Variants in SPINK6 observed in about 807,000 individuals in gnomAD.
SPINK6 encodes the protein serine protease inhibitor Kazal-type 6.
A neutral mutation model predicts 11.7 loss-of-function variants in SPINK6; 13 were observed. The ratio of observed to expected loss-of-function variants is 1.11; its 90% confidence interval spans 0.72 to 1.76. The LOEUF (loss-of-function observed/expected upper bound fraction) is 1.76. Ranked by LOEUF, SPINK6 falls within the 40% of genes most tolerant of loss-of-function variation. SPINK6 has a pLI of 0.00. For synonymous variants in SPINK6, 21 were observed against 31.9 expected (o/e 0.66, Z 1.15); for missense variants, 98 against 93.7 (o/e 1.05, Z -0.19).
At chr5:148,214,631 A>G (rs886587938) in intron 3 of SPINK6, among the ~76,000 whole-genome samples, 3 of 152,172 alleles carry the variant, frequency 2.0e-5, no homozygotes, top group African/African-American at 7.2e-5. Flanking sequence ...ACCTTTTTCA[A>G]TGGTATACAT....
chr5:148,202,953 T>C (rs1024084739), upstream of SPINK6: 2 of 510,310 alleles, frequency 3.9e-6, no homozygotes, highest in Non-Finnish European at 7.0e-6. Context: ...AGCATTTTTT[T>C]AATGTGTTGG....
chr5:148,209,963 C>T lies in SPINK6; in HGVS notation c.81+3905C>T, dbSNP rs536362467. ...GTAAAAGGTTTCATATATATGTATA[C>T]ATACATACGTACGTATGTATGTATA... On this transcript the variant is annotated intron_variant, in intron 2 of 3. Transcript: ENST00000325630. Among the ~76,000 whole-genome samples the T allele has an allele frequency of 8.9e-3, 1,335 of 149,266 alleles. 21 individuals are homozygous for T. The highest frequency in any genetic ancestry group is 0.032 in the African/African-American group (1,278 of 39,480).
chr5:148,205,955 T>C lies in SPINK6; in HGVS notation c.59-81T>C, dbSNP rs1365667741. On this transcript the variant is annotated intron_variant, in intron 1 of 3. Coordinates refer to ENST00000325630, the MANE Select transcript of SPINK6 (RefSeq NM_205841.4). Reference sequence around the variant, plus strand: ...GATAGCCAAGTACCAGGAGTAGATATTAGGAATTTCCTAATGTTGAAAATT... The same window carrying C: ...GATAGCCAAGTACCAGGAGTAGATACTAGGAATTTCCTAATGTTGAAAATT... The C allele has an allele frequency of 3.4e-6, 5 of 1,457,492 alleles. No individual in the cohort carries two copies. The East Asian group carries it at 6.8e-5, about 20-fold the overall frequency. The allele number at this position is 1,457,492 out of a possible 1,614,324, so 90.3% of individuals were successfully genotyped here. A position where few individuals can be genotyped will look rare whatever the true frequency, so the allele number is the denominator to read the frequency against.
intron 2 of SPINK6, among the ~76,000 whole-genome samples, chr5:148,210,168 GTATTT>G (rs1755567835): frequency 4.0e-5 from 1 of 24,794 alleles, no homozygotes; most frequent in Admixed American, 9.4e-4. Context: ...GCATGCATAT[GTATTT>G]CTGCATGCAT....
intron 1 of SPINK6, among the ~76,000 whole-genome samples, chr5:148,205,255 G>GGGATTGC (rs1414554091): frequency 6.6e-6 from 1 of 152,116 alleles, no homozygotes; most frequent in Non-Finnish European, 1.5e-5. Context: ...ATGTGTCAGA[G>GGGATTGC]GGATTGGGAA....
chr5:148,210,784 T>A (rs1009665917), intron 2 of SPINK6, among the ~76,000 whole-genome samples: 17 of 152,040 alleles, frequency 1.1e-4, no homozygotes, highest in Non-Finnish European at 2.1e-4. Flanking sequence ...GAGGAAATCA[T>A]AAAAGTTTTA....
rs368760473 is a variant in SPINK6 at position 148,211,480 on chromosome 5, T to A, written c.82-2430T>A. ...TCTACACTCCTAACCCAGAACTATT[T>A]CAAATATTCTATATTAGTTCTCTAC... On this transcript the variant is annotated intron_variant, in intron 2 of 3. Coordinates refer to ENST00000325630, the MANE Select transcript of SPINK6 (RefSeq NM_205841.4). Among the ~76,000 whole-genome samples the A allele has an allele frequency of 8.5e-5, 13 of 152,290 alleles. No individual in the cohort carries two copies. The East Asian group carries it at 1.4e-3, about 16-fold the overall frequency.
intron 1 of SPINK6, among the ~76,000 whole-genome samples, chr5:148,203,580 T>A (rs1034130514): frequency 2.0e-5 from 3 of 152,210 alleles, no homozygotes; most frequent in Non-Finnish European, 4.4e-5. Flanking sequence ...GATAATTGCA[T>A]TAAATATTGG....
chr5:148,203,738 C>T (rs780702555), intron 1 of SPINK6, among the ~76,000 whole-genome samples: 4 of 152,080 alleles, frequency 2.6e-5, no homozygotes, highest in Admixed American at 1.3e-4. Context: ...AATGCAGAAA[C>T]ATATGTTTCT....
intron 2 of SPINK6, among the ~76,000 whole-genome samples, chr5:148,210,013 T>TGTATGTATACATACCCAC (rs1755559338): frequency 7.0e-6 from 1 of 143,702 alleles, no homozygotes; most frequent in Non-Finnish European, 1.5e-5. Flanking sequence ...TATACATGTA[T>TGTATGTATACATACCCAC]GTACGCATGT....
At chr5:148,206,588 T>A (rs1041964658) in intron 2 of SPINK6, among the ~76,000 whole-genome samples, 1 of 152,242 alleles carries the variant, frequency 6.6e-6, no homozygotes, top group Admixed American at 6.5e-5. Context: ...ACTAGTTTAC[T>A]GCTCTGTAAT....
chr5:148,215,063 C>A lies in SPINK6; in HGVS notation c.*113C>A. ...AATTCATAAAGACATACCTACTCTG[C>A]CTGGGTCTTGAGGAGTTCAATGTAT... On this transcript the variant is annotated 3_prime_UTR_variant, in exon 4 of 4. Transcript: ENST00000325630. The A allele has an allele frequency of 9.8e-7, 1 of 1,018,486 alleles. No homozygotes were observed. Among genetic ancestry groups the A allele is most frequent in the Non-Finnish European group, 1.5e-6 (1 of 662,016 alleles). 63.1% of individuals were successfully genotyped at this position (1,018,486 alleles called of 1,614,324 possible).
Position 148,203,051 on chromosome 5 carries a change from C to G in SPINK6, c.-46C>G. Reference sequence around the variant, plus strand: ...TCTGGGAATTGTCTTGACAGAGAACCTCAGCTGGACAAAGCAGCCTTGATC... The same window carrying G: ...TCTGGGAATTGTCTTGACAGAGAACGTCAGCTGGACAAAGCAGCCTTGATC... On this transcript the variant is annotated 5_prime_UTR_variant, in exon 1 of 4. Coordinates refer to ENST00000325630, the MANE Select transcript of SPINK6 (RefSeq NM_205841.4). 6.5e-7 allele frequency: 1 copy of G among 1,538,618 alleles called. No individual in the cohort carries two copies. The highest frequency in any genetic ancestry group is 8.8e-7 in the Non-Finnish European group (1 of 1,134,072).
Position 148,212,475 on chromosome 5 carries a change from A to ATT in SPINK6, c.82-1430_82-1429dup, listed in dbSNP as rs1369184659. ...GGAAGACTCTATCTCTAAAATACAT[A>ATT]TTTTTTATATATATATATATATAAA... On this transcript the variant is annotated intron_variant, in intron 2 of 3. Transcript: ENST00000325630. 9.2e-4 allele frequency among the ~76,000 whole-genome samples: 26 copies of ATT among 28,198 alleles called. No individual in the cohort carries two copies. In the East Asian group the frequency reaches 0.038, roughly 41 times the overall value. 18.5% of individuals were successfully genotyped at this position (28,198 alleles called of 152,430 possible). A position where few individuals can be genotyped will look rare whatever the true frequency, so the allele number is the denominator to read the frequency against.
chr5:148,212,541 T>C (rs1755614831), intron 2 of SPINK6, among the ~76,000 whole-genome samples: 2 of 113,496 alleles, frequency 1.8e-5, no homozygotes, highest in East Asian at 2.3e-4. Context: ...TTTATATAAG[T>C]ATATATTTAT....
At position 148,203,154 on chromosome 5, in the gene SPINK6, G is replaced by A; in HGVS notation, c.58G>A (p.Gly20Ser). ...TCTGGCTCTTTTCTGCTTTTTAACA[G>A]GTAAGTTTTTTCTTAAAATTAAGAT... ...LSLALFCFLT[G>S]VFSQGGQVDC... Residue 20 changes from glycine (G) to serine (S), a missense_variant and splice_region_variant, in exon 1 of 4, where the codon GGT becomes AGT. By Grantham distance (56) the Gly-to-Ser change is moderately conservative. Coordinates refer to ENST00000325630, the MANE Select transcript of SPINK6 (RefSeq NM_205841.4). The A allele has an allele frequency of 6.2e-7, 1 of 1,608,238 alleles. No homozygotes were observed. The highest frequency in any genetic ancestry group is 1.1e-5 in the South Asian group (1 of 89,986).
chr5:148,210,013 T>TGTATGTATACATACAAAC (rs1755559338), intron 2 of SPINK6, among the ~76,000 whole-genome samples: 1 of 143,702 alleles, frequency 7.0e-6, no homozygotes, highest in Non-Finnish European at 1.5e-5. Context: ...TATACATGTA[T>TGTATGTATACATACAAAC]GTACGCATGT....
rs775944594 is a variant in SPINK6 at position 148,214,893 on chromosome 5, T to C, written c.198-12T>C. 6.2e-7 allele frequency: 1 copy of C among 1,612,726 alleles called. No homozygotes were observed. Among genetic ancestry groups the C allele is most frequent in the Non-Finnish European group, 8.5e-7 (1 of 1,178,928 alleles). ...ATTGCACTGAGTATATATTTGTCTT[T>C]CTTTTTTGTAGGAAAAGTGGTGGAA... On this transcript the variant is annotated splice_polypyrimidine_tract_variant and intron_variant, in intron 3 of 3. Transcript: ENST00000325630.
At chr5:148,209,754 G>T (rs1755545167) in intron 2 of SPINK6, among the ~76,000 whole-genome samples, 2 of 152,082 alleles carry the variant, frequency 1.3e-5, no homozygotes, top group Admixed American at 1.3e-4. Flanking sequence ...AAGCAATGCA[G>T]AAGGTAACAC....
Sources: gnomAD v4.1 joint callset for allele counts (sites outside exome capture counted in the v4.1 genomes callset) on GRCh38, gnomAD v4.1.1 for gene constraint, MANE v1.5 for transcripts, NCBI Gene and HGNC (gene_info 2026-07-23, HGNC 2026-07-21) for gene names.